TWIST2: variants seen among roughly 807,000 people sequenced by gnomAD.
TWIST2 encodes twist family bHLH transcription factor 2, also known as twist-related protein 2.
TWIST2 carries 1 observed loss-of-function variant against 11.6 expected under a neutral mutation model. The ratio of observed to expected loss-of-function variants is 0.09; its 90% CI spans 0.03 to 0.41. The LOEUF (loss-of-function observed/expected upper bound fraction) is 0.41, where lower values mean the gene tolerates loss of function less well. Among genes scored for constraint, TWIST2 ranks in the 10% least tolerant of loss-of-function variants. The pLI is 0.98. For missense variants in TWIST2, 168 were observed against 226.4 expected (o/e 0.74, Z 1.66); for synonymous variants, 87 against 96.6 (o/e 0.90, Z 0.58).
intron 1 of TWIST2, among the ~76,000 whole-genome samples, chr2:238,881,908 C>T (rs113852093): frequency 0.013 from 1,929 of 152,208 alleles, 42 homozygotes; most frequent in African/African-American, 0.043. Context: ...CCATGAGAGC[C>T]CGTGGGCATC....
intron 1 of TWIST2, among the ~76,000 whole-genome samples, chr2:238,902,792 T>G (rs1693289177): frequency 7.5e-6 from 1 of 134,038 alleles, no homozygotes; most frequent in African/African-American, 2.8e-5. Context: ...ATGTGGGGTG[T>G]TGTGATGTGT....
intron 1 of TWIST2, among the ~76,000 whole-genome samples, chr2:238,874,306 T>A (rs1692765616): frequency 6.6e-6 from 1 of 152,236 alleles, no homozygotes; most frequent in Admixed American, 6.5e-5. Context: ...AAACCTAATT[T>A]GTTTAAAAAC....
At chr2:238,859,126 C>T (rs1027494942) in intron 1 of TWIST2, among the ~76,000 whole-genome samples, 10 of 151,116 alleles carry the variant, frequency 6.6e-5, no homozygotes, top group African/African-American at 2.2e-4. Context: ...TCAGGAGAAT[C>T]GCTTGAACCT....
intron 1 of TWIST2, among the ~76,000 whole-genome samples, chr2:238,861,338 G>C (rs960756597): frequency 6.6e-6 from 1 of 152,140 alleles, no homozygotes; most frequent in Non-Finnish European, 1.5e-5. Flanking sequence ...TCTCCTTTCC[G>C]GCCACTTCTG....
intron 1 of TWIST2, among the ~76,000 whole-genome samples, chr2:238,907,494 GACAGCTGGTTGCAGCCCCAGAGCT>G (rs1252970583): frequency 2.6e-5 from 4 of 152,144 alleles, no homozygotes; most frequent in African/African-American, 9.7e-5. Flanking sequence ...GCGCTCCCGG[GACAGCTGGTTGCAGCCCCAGAGCT>G]GCACCAAGCC....
At chr2:238,849,926 C>T (rs1692215222) in intron 1 of TWIST2, among the ~76,000 whole-genome samples, 1 of 152,210 alleles carries the variant, frequency 6.6e-6, no homozygotes, top group Non-Finnish European at 1.5e-5. Context: ...TTTAGTTCCT[C>T]GCACATCTTG....
intron 1 of TWIST2, among the ~76,000 whole-genome samples, chr2:238,899,111 A>G (rs986190393): frequency 1.3e-5 from 2 of 152,188 alleles, no homozygotes; most frequent in Non-Finnish European, 2.9e-5. Context: ...TCCATCATCT[A>G]TCCGGTCCTG....
At chr2:238,869,524 T>G (rs936394436) in intron 1 of TWIST2, among the ~76,000 whole-genome samples, 8 of 152,104 alleles carry the variant, frequency 5.3e-5, no homozygotes, top group African/African-American at 1.9e-4. Context: ...ATAGCCTGCA[T>G]AAAAGTAGGC....
chr2:238,848,536 C>A lies in TWIST2; in HGVS notation c.321C>A (p.Leu107=). ...PSDKLSKIQT[L]KLAARYIDFL... ...ACAAGCTGAGCAAGATCCAGACGCTCAAGCTGGCCGCCAGGTACATAGACT... is the reference window on the plus strand; with the variant it reads ...ACAAGCTGAGCAAGATCCAGACGCTAAAGCTGGCCGCCAGGTACATAGACT... Residue 107 remains leucine, a synonymous_variant, in exon 1 of 2, where the codon CTC becomes CTA. Coordinates refer to ENST00000612363, the MANE Select transcript of TWIST2 (RefSeq NM_001271893.4). 6.3e-7 allele frequency: 1 copy of A among 1,592,958 alleles called. No individual in the cohort carries two copies. Among genetic ancestry groups the A allele is most frequent in the East Asian group, 2.3e-5 (1 of 43,872 alleles).
At position 238,848,464 on chromosome 2, in the gene TWIST2, C is replaced by T. The variant is rs903088398; in HGVS notation, c.249C>T (p.Asn83=). Residue 83 remains asparagine (N), a synonymous_variant, in exon 1 of 2, where the codon AAC becomes AAT. Transcript: ENST00000612363. ...AGCGCCAGCGCACCCAGTCGCTCAA[C>T]GAGGCCTTCGCGGCGCTGCGCAAGA... ...VRERQRTQSL[N]EAFAALRKII... 2.6e-6 allele frequency: 4 copies of T among 1,564,804 alleles called. No individual in the cohort carries two copies. Among genetic ancestry groups the T allele is most frequent in the Non-Finnish European group, 3.5e-6 (4 of 1,158,102 alleles).
At chr2:238,902,608 G>A (rs1171065815) in intron 1 of TWIST2, among the ~76,000 whole-genome samples, 2 of 148,488 alleles carry the variant, frequency 1.3e-5, no homozygotes, top group Non-Finnish European at 3.0e-5. Context: ...TGTGATATGA[G>A]TTGTGCATGA....
intron 1 of TWIST2, among the ~76,000 whole-genome samples, chr2:238,872,085 G>A (rs1437756138): frequency 6.6e-6 from 1 of 152,168 alleles, no homozygotes; most frequent in Non-Finnish European, 1.5e-5. Flanking sequence ...TATTTCCGGG[G>A]ATGTTTCTGC....
chr2:238,895,151 G>C (rs1312718556), intron 1 of TWIST2, among the ~76,000 whole-genome samples: 1 of 152,244 alleles, frequency 6.6e-6, no homozygotes, highest in Non-Finnish European at 1.5e-5. Flanking sequence ...TGTGTCTTCA[G>C]ATAGTCATGT....
intron 1 of TWIST2, among the ~76,000 whole-genome samples, chr2:238,883,226 T>G (rs1320027496): frequency 6.6e-6 from 1 of 152,160 alleles, no homozygotes; most frequent in Admixed American, 6.5e-5. Flanking sequence ...ATTGGGCTGG[T>G]GACGGTTCCT....
intron 1 of TWIST2, among the ~76,000 whole-genome samples, chr2:238,855,503 A>G (rs1460603902): frequency 2.0e-5 from 3 of 152,220 alleles, no homozygotes; most frequent in African/African-American, 4.8e-5. Context: ...GATAATCTGC[A>G]TGCGTAGATG....
In TWIST2 at chr2:238,867,318, T is replaced by A. The variant is rs556056663; in HGVS notation, c.*35+18585T>A. On this transcript the variant is annotated intron_variant, in intron 1 of 1. Coordinates refer to ENST00000612363, the MANE Select transcript of TWIST2 (RefSeq NM_001271893.4). This position sits in a 1 kb window ranked among gnomAD's most constrained non-coding sequence, Gnocchi z 4.8. ...TGGAGACATCTTGGGGGAAAGTGAT[T>A]CATCTGATCTGGGATGGAAGATTAT... Among the ~76,000 whole-genome samples, 1 of 150,894 alleles carries A rather than the reference T, an allele frequency of 6.6e-6. No homozygotes were observed. The highest frequency in any genetic ancestry group is 6.6e-5 in the Admixed American group (1 of 15,114).
chr2:238,848,375 G>T lies in TWIST2; in HGVS notation c.160G>T (p.Gly54Cys), dbSNP rs1458958603. The T allele has an allele frequency of 6.5e-7, 1 of 1,534,966 alleles. No individual in the cohort carries two copies. Residue 54 changes from glycine (G) to cysteine (C), a missense_variant, in exon 1 of 2, where the codon GGC becomes TGC. Physicochemically the swap from Gly to Cys is radical, Grantham distance 159 (BLOSUM62 -3). Transcript: ENST00000612363. The part of the protein sequence containing the change: ...SPTPGKRGKK[G>C]SPSAQSFEEL... ...GACCCCGGGCAAGCGCGGCAAGAAG[G>T]GCAGCCCCAGCGCGCAGTCCTTCGA... is the stretch of plus-strand genomic sequence containing the variant.
At chr2:238,878,276 C>T (rs1692842640) in intron 1 of TWIST2, among the ~76,000 whole-genome samples, 1 of 152,220 alleles carries the variant, frequency 6.6e-6, no homozygotes, top group African/African-American at 2.4e-5. Context: ...GGACATCAGC[C>T]ACCCCAAAGC....
rs985543680 is a variant in TWIST2, at chr2:238,864,975, C to T, written c.*35+16242C>T. On this transcript the variant is annotated intron_variant, in intron 1 of 1. Coordinates refer to ENST00000612363, the MANE Select transcript of TWIST2 (RefSeq NM_001271893.4). The surrounding 1 kb of genome is among the most constrained non-coding windows in gnomAD (Gnocchi z 4.7). ...GCCAGGCTCGGTGGGCCTGGCCACCCGAGGGGCCTCTTCTCTCCCCCTGCA... is the reference window on the plus strand; with the variant it reads ...GCCAGGCTCGGTGGGCCTGGCCACCTGAGGGGCCTCTTCTCTCCCCCTGCA... 2.0e-5 allele frequency among the ~76,000 whole-genome samples: 3 copies of T among 152,066 alleles called. No homozygotes were observed. Among genetic ancestry groups the T allele is most frequent in the African/African-American group, 4.8e-5 (2 of 41,418 alleles).
Sources: allele counts gnomAD v4.1 joint callset (sites outside exome capture counted in the v4.1 genomes callset), GRCh38; gene constraint gnomAD v4.1.1; non-coding constraint Gnocchi (gnomAD v3.1); transcripts MANE v1.5; gene names NCBI Gene and HGNC (gene_info 2026-07-23, HGNC 2026-07-21).